TRIP10: variants seen among roughly 807,000 people sequenced by gnomAD.
TRIP10 encodes thyroid hormone receptor interactor 10.
A neutral mutation model predicts 80.9 loss-of-function variants in TRIP10; 54 were observed. That is an observed-to-expected ratio of 0.67 (90% confidence interval 0.54 to 0.84). The LOEUF (loss-of-function observed/expected upper bound fraction) is 0.84. TRIP10 is among the 40% of genes least tolerant of loss of function. TRIP10 has a pLI of 0.00. For synonymous variants in TRIP10, 321 were observed against 307.2 expected, an observed-to-expected ratio of 1.04 and a Z score of -0.47; for missense variants, 773 against 815.3, an observed-to-expected ratio of 0.95 and a Z score of 0.63.
At chr19:6,739,922 C>T in intron 1 of TRIP10, 137 bp downstream of exon 1, 2 of 1,104,500 alleles carry the variant, frequency 1.8e-6, no homozygotes, top group Non-Finnish European at 2.3e-6. Flanking sequence ...CCACCCTCCG[C>T]TCTCTCTCGA....
At chr19:6,743,421 C>T (rs1367508246) in intron 5 of TRIP10, 73 bp from the exon 6 acceptor site, 5 of 1,575,240 alleles carry the variant, frequency 3.2e-6, no homozygotes, top group Non-Finnish European at 4.4e-6. Flanking sequence ...CCAATAATCC[C>T]TGAAACCTTG....
Position 6,741,079 on chromosome 19 carries a change from G to C in TRIP10, c.94G>C (p.Val32Leu), listed in dbSNP as rs778627902. Residue 32 changes from valine (V) to leucine (L), a missense_variant, in exon 2 of 15, where the codon GTG (valine) becomes CTG (leucine). Physicochemically the swap from Val to Leu is conservative, Grantham distance 32. Coordinates refer to ENST00000313244, the MANE Select transcript of TRIP10 (RefSeq NM_001288962.2). ...LDLLDRYVKF[V>L]KERTEVEQAY... Reference sequence around the variant, plus strand: ...CCTGTTGGACAGATATGTAAAGTTCGTGAAAGAACGCACCGAAGTGGAACA... The same window carrying C: ...CCTGTTGGACAGATATGTAAAGTTCCTGAAAGAACGCACCGAAGTGGAACA... 4 of 1,614,184 alleles carry C rather than the reference G, an allele frequency of 2.5e-6. No individual in the cohort carries two copies. The highest frequency in any genetic ancestry group is 1.1e-5 in the South Asian group (1 of 91,086).
intron 5 of TRIP10, 103 bp downstream of exon 5, chr19:6,743,359 C>T: frequency 3.3e-6 from 5 of 1,538,028 alleles, no homozygotes; most frequent in Non-Finnish European, 4.4e-6. Flanking sequence ...TGGACCTTCC[C>T]TCCCCCATAG....
Position 6,746,590 on chromosome 19 carries a change from C to A in TRIP10, c.1262+29C>A. The A allele has an allele frequency of 1.3e-6, 2 of 1,527,132 alleles. No homozygotes were observed. The highest frequency in any genetic ancestry group is 1.8e-6 in the Non-Finnish European group (2 of 1,101,486). The allele number at this position is 1,527,132 out of a possible 1,614,324, so 94.6% of individuals were successfully genotyped here. Reference sequence around the variant, plus strand: ...AGGTGGTGGGGTAGGGAAGGACAGGCAAGGAACATGATAAAATAGTAAATG... The same window carrying A: ...AGGTGGTGGGGTAGGGAAGGACAGGAAAGGAACATGATAAAATAGTAAATG... On this transcript the variant is annotated intron_variant, in intron 11 of 14. Coordinates refer to ENST00000313244, the MANE Select transcript of TRIP10 (RefSeq NM_001288962.2). This position sits in a 1 kb window ranked among gnomAD's most constrained non-coding sequence, Gnocchi z 6.2.
In TRIP10 at chr19:6,746,015, G is replaced by A; in HGVS notation, c.985-14G>A. The stretch of plus-strand genomic sequence containing the variant: ...CCCCTTCAACCTATCCCCCTCCCCG[G>A]CCCCCGCCGGTAGCCTCGCCCCCCA... On this transcript the variant is annotated splice_polypyrimidine_tract_variant and intron_variant, in intron 9 of 14. Transcript: ENST00000313244. The surrounding 1 kb of genome is among the most constrained non-coding windows in gnomAD (Gnocchi z 6.2). 3 of 615,976 alleles carry A rather than the reference G, an allele frequency of 4.9e-6. No homozygotes were observed. Among genetic ancestry groups the A allele is most frequent in the Admixed American group, 1.6e-4 (1 of 6,316 alleles). The allele number at this position is 615,976 out of a possible 1,614,324, so 38.2% of individuals were successfully genotyped here. A position where few individuals can be genotyped will look rare whatever the true frequency, so the allele number is the denominator to read the frequency against.
At chr19:6,750,877 T>A (rs1969277975) in intron 14 of TRIP10, among the ~76,000 whole-genome samples, 186 bp from the exon 15 acceptor site, 1 of 152,164 alleles carries the variant, frequency 6.6e-6, no homozygotes, top group Non-Finnish European at 1.5e-5. Context: ...ACGCCTGTGA[T>A]CCCAGCTACT....
chr19:6,743,499 G>C lies in TRIP10; in HGVS notation c.414G>C (p.Lys138Asn). 3 of 1,613,830 alleles carry C rather than the reference G, an allele frequency of 1.9e-6. No individual in the cohort carries two copies. In the South Asian group the frequency reaches 3.3e-5, roughly 18 times the overall value. The change falls in exon 6 of 15, where the codon AAG becomes AAC. Residue 138 changes from lysine to asparagine, a missense_variant. Lys to Asn is a moderately conservative substitution (Grantham distance 94). Coordinates refer to ENST00000313244, the MANE Select transcript of TRIP10 (RefSeq NM_001288962.2). ...ENGFKQLENS[K>N]RKFERDCREA... ...CGGTTCTGTCCCCTACACAGAGTAA[G>C]CGTAAATTTGAGCGGGACTGCCGGG...
At chr19:6,741,408 G>A in intron 3 of TRIP10, 127 bp downstream of exon 3, 6 of 1,085,898 alleles carry the variant, frequency 5.5e-6, no homozygotes, top group Non-Finnish European at 8.2e-6. Context: ...TGAGAGCATG[G>A]ATGCAAGATG....
chr19:6,739,877 C>A, intron 1 of TRIP10, 92 bp downstream of exon 1: 1 of 1,312,784 alleles, frequency 7.6e-7, no homozygotes, highest in Non-Finnish European at 9.8e-7. Context: ...GGGCTCCGCG[C>A]CTTTCCCTTC....
rs1284464747 is a variant in TRIP10, at chr19:6,745,211, G to GTGGCGTTTGTC, written c.984+220_984+230dup. 1 of 628,068 alleles carries GTGGCGTTTGTC rather than the reference G, an allele frequency of 1.6e-6. No individual in the cohort carries two copies. The highest frequency in any genetic ancestry group is 2.6e-6 in the Non-Finnish European group (1 of 379,650). 38.9% of individuals were successfully genotyped at this position (628,068 alleles called of 1,614,324 possible). A position where few individuals can be genotyped will look rare whatever the true frequency, so the allele number is the denominator to read the frequency against. On this transcript the variant is annotated intron_variant, in intron 9 of 14. Transcript: ENST00000313244. The surrounding 1 kb of genome is among the most constrained non-coding windows in gnomAD (Gnocchi z 7.2). ...GCAGGGTGGGGAGGTGGGGAGGTCCGTGGCGTTTGTCTGCTGCTTCTCGGG... is the reference window on the plus strand; with the variant it reads ...GCAGGGTGGGGAGGTGGGGAGGTCCGTGGCGTTTGTCTGGCGTTTGTCTGCTGCTTCTCGGG...
chr19:6,746,369 G>T lies in TRIP10; in HGVS notation c.1153-83G>T. The T allele has an allele frequency of 6.4e-7, 1 of 1,572,538 alleles. No homozygotes were observed. ...GCTGTCAAGAACCATGGCTGGGGAA[G>T]GGAGTGAAATATCTCAGACGGGTGC... is the stretch of plus-strand genomic sequence containing the variant. On this transcript the variant is annotated intron_variant, in intron 10 of 14. Coordinates refer to ENST00000313244, the MANE Select transcript of TRIP10 (RefSeq NM_001288962.2). The surrounding 1 kb of genome is among the most constrained non-coding windows in gnomAD (Gnocchi z 6.2).
chr19:6,742,111 G>T (rs531060415), intron 3 of TRIP10, among the ~76,000 whole-genome samples: 2 of 152,126 alleles, frequency 1.3e-5, no homozygotes, highest in African/African-American at 2.4e-5. Context: ...AAAAAATAGG[G>T]TTGGGCACAG....
chr19:6,740,689 G>C (rs1032180909), intron 1 of TRIP10: 2 of 273,332 alleles, frequency 7.3e-6, no homozygotes, highest in Non-Finnish European at 1.4e-5. Flanking sequence ...CCGGAATCCG[G>C]GGGGATTAGG....
chr19:6,747,729 G>A (rs755854549), intron 11 of TRIP10, among the ~76,000 whole-genome samples: 55 of 151,894 alleles, frequency 3.6e-4, no homozygotes, highest in Admixed American at 1.2e-3. Context: ...GGAGGCGGAG[G>A]TTGCAGTGAG....
chr19:6,750,136 G>A, intron 12 of TRIP10, 70 bp downstream of exon 12: 4 of 1,548,164 alleles, frequency 2.6e-6, no homozygotes, highest in East Asian at 4.6e-5. Flanking sequence ...TGGGGTGGGG[G>A]GTCGGGGACA....
intron 6 of TRIP10, 28 bp downstream of exon 6, chr19:6,743,626 T>TGGGGGGGGGGGGGGGGGGGG (rs1969001243): frequency 5.9e-6 from 5 of 850,852 alleles, no homozygotes; most frequent in South Asian, 3.2e-5. Flanking sequence ...GGGGGGGGGG[T>TGGGGGGGGGGGGGGGGGGGG]GCGGGGTCTG....
At chr19:6,742,341 G>T (rs1288187657) in intron 3 of TRIP10, among the ~76,000 whole-genome samples, 1 of 151,920 alleles carries the variant, frequency 6.6e-6, no homozygotes, top group East Asian at 2.0e-4. Flanking sequence ...AGTGAGCCAA[G>T]ATCGCACCAC....
At position 6,744,899 on chromosome 19, in the gene TRIP10, G is replaced by T; in HGVS notation, c.889G>T (p.Asp297Tyr). The T allele has an allele frequency of 1.2e-6, 2 of 1,614,222 alleles. No individual in the cohort carries two copies. Among genetic ancestry groups the T allele is most frequent in the Non-Finnish European group, 1.7e-6 (2 of 1,180,048 alleles). ...CCAGCCCATGAACCGTGCACCCTCC[G>T]ACAGCAGTCTGGGCACCCCCTCGGA... is the stretch of plus-strand genomic sequence containing the variant. ...FSQPMNRAPS[D>Y]SSLGTPSDGR... Residue 297 changes from aspartate to tyrosine, a missense_variant, in exon 9 of 15, where the codon GAC (aspartate) becomes TAC (tyrosine). Asp to Tyr is a radical substitution (Grantham distance 160). Transcript: ENST00000313244. This position sits in a 1 kb window ranked among gnomAD's most constrained non-coding sequence, Gnocchi z 4.9.
Position 6,749,964 on chromosome 19 carries a change from T to C in TRIP10, c.1293T>C (p.Tyr431=), listed in dbSNP as rs748155216. Residue 431 remains tyrosine (Y), a synonymous_variant, in exon 12 of 15, where the codon TAT becomes TAC. Coordinates refer to ENST00000313244, the MANE Select transcript of TRIP10 (RefSeq NM_001288962.2). The stretch of plus-strand genomic sequence containing the variant: ...CCCTAAAGAAAATGAAGGATGTCTA[T>C]GAGAAGACACCTCAGATGGGGGACC... The part of the protein sequence containing the change: ...REALKKMKDV[Y]EKTPQMGDPA... 1 of 1,614,132 alleles carries C rather than the reference T, an allele frequency of 6.2e-7. No homozygotes were observed. Among genetic ancestry groups the C allele is most frequent in the Non-Finnish European group, 8.5e-7 (1 of 1,180,020 alleles).
Sources: gnomAD v4.1 joint callset for allele counts (sites outside exome capture counted in the v4.1 genomes callset) on GRCh38, gnomAD v4.1.1 for gene constraint, Gnocchi (gnomAD v3.1) non-coding constraint, MANE v1.5 for transcripts, NCBI Gene and HGNC (gene_info 2026-07-23, HGNC 2026-07-21) for gene names.